Variants in SYNDIG1 observed in about 807,000 individuals in gnomAD.
The protein encoded by SYNDIG1 is synapse differentiation inducing 1.
SYNDIG1 carries 9 observed loss-of-function variants against 19.4 expected under a neutral mutation model. The observed-to-expected ratio is 0.46, with a 90% CI of 0.28 to 0.81. The LOEUF (loss-of-function observed/expected upper bound fraction) is 0.81. Ranked by LOEUF, SYNDIG1 falls within the 30% of genes least tolerant of loss-of-function variation. The pLI is 0.12. For missense variants in SYNDIG1, 311 were observed against 343.3 expected (o/e 0.91, Z 0.74); for synonymous variants, 141 against 145.9 (o/e 0.97, Z 0.24).
intron 3 of SYNDIG1, among the ~76,000 whole-genome samples, chr20:24,660,759 C>T (rs2059575758): frequency 6.6e-6 from 1 of 152,248 alleles, no homozygotes; most frequent in Non-Finnish European, 1.5e-5. Context: ...TGTCCATCCA[C>T]TTGCCCCTCA....
At chr20:24,633,614 G>T (rs970695559) in intron 3 of SYNDIG1, among the ~76,000 whole-genome samples, 3 of 152,170 alleles carry the variant, frequency 2.0e-5, no homozygotes, top group Non-Finnish European at 1.5e-5. Flanking sequence ...GTTCGCAAGG[G>T]CTGGTTCCCT....
chr20:24,476,328 T>G (rs546010745), intron 1 of SYNDIG1, among the ~76,000 whole-genome samples: 23 of 152,178 alleles, frequency 1.5e-4, no homozygotes, highest in Non-Finnish European at 2.8e-4. Context: ...GTTTTGTTAT[T>G]TCTAAGTTTA....
chr20:24,631,149 A>G (rs2147293458), intron 3 of SYNDIG1, among the ~76,000 whole-genome samples: 1 of 152,350 alleles, frequency 6.6e-6, no homozygotes, highest in African/African-American at 2.4e-5. Context: ...GAAACCATGG[A>G]AATCAAGGAA....
At chr20:24,483,740 G>T (rs2055867195) in intron 1 of SYNDIG1, among the ~76,000 whole-genome samples, 1 of 152,194 alleles carries the variant, frequency 6.6e-6, no homozygotes, top group Non-Finnish European at 1.5e-5. Context: ...CTTGCCATTT[G>T]CTTGACCTTG....
At chr20:24,637,928 C>T (rs1236516160) in intron 3 of SYNDIG1, among the ~76,000 whole-genome samples, 1 of 152,226 alleles carries the variant, frequency 6.6e-6, no homozygotes, top group African/African-American at 2.4e-5. Flanking sequence ...ATCCTAGAAG[C>T]ATCTTAGAAA....
chr20:24,475,887 G>A (rs1202223105), intron 1 of SYNDIG1, among the ~76,000 whole-genome samples: 2 of 146,880 alleles, frequency 1.4e-5, no homozygotes, highest in African/African-American at 5.1e-5. Flanking sequence ...TTGAAATGAC[G>A]TCTCACTCTA....
chr20:24,599,864 G>C (rs535381969), intron 3 of SYNDIG1, among the ~76,000 whole-genome samples: 20 of 152,320 alleles, frequency 1.3e-4, no homozygotes, highest in Admixed American at 3.3e-4. Context: ...AGAGTAGTGA[G>C]TTACAGGGTA....
intron 1 of SYNDIG1, among the ~76,000 whole-genome samples, chr20:24,486,209 G>C (rs546872057): frequency 6.6e-6 from 1 of 152,224 alleles, no homozygotes; most frequent in Non-Finnish European, 1.5e-5. Flanking sequence ...TTGCTGGTGG[G>C]TGTGAGGTTG....
chr20:24,626,364 C>T (rs146387089), intron 3 of SYNDIG1, among the ~76,000 whole-genome samples: 18 of 148,522 alleles, frequency 1.2e-4, no homozygotes, highest in East Asian at 4.3e-4. Flanking sequence ...TCAGACAGGA[C>T]GGCCGGGCAG....
At chr20:24,475,574 G>C (rs1385999198) in intron 1 of SYNDIG1, among the ~76,000 whole-genome samples, 2 of 152,210 alleles carry the variant, frequency 1.3e-5, no homozygotes, top group Non-Finnish European at 2.9e-5. Context: ...CACAGGGGCT[G>C]GCCTGGGCTT....
chr20:24,547,303 G>T (rs1403401247), intron 2 of SYNDIG1, among the ~76,000 whole-genome samples: 1 of 152,242 alleles, frequency 6.6e-6, no homozygotes, highest in South Asian at 2.1e-4. Flanking sequence ...CGAAGAGGTC[G>T]GCCTGTCTGA....
intron 2 of SYNDIG1, among the ~76,000 whole-genome samples, chr20:24,545,605 CTTGAGGA>C (rs896717794): frequency 1.3e-5 from 2 of 152,018 alleles, no homozygotes; most frequent in Non-Finnish European, 2.9e-5. Context: ...CCGGCTGAGT[CTTGAGGA>C]TGAGTAAGAG....
At chr20:24,500,646 A>T (rs890815897) in intron 1 of SYNDIG1, among the ~76,000 whole-genome samples, 1 of 151,732 alleles carries the variant, frequency 6.6e-6, no homozygotes, top group Non-Finnish European at 1.5e-5. Flanking sequence ...ACCCAAGCGC[A>T]CTGCTGTGTG....
At chr20:24,531,501 T>A (rs1319311471) in intron 1 of SYNDIG1, among the ~76,000 whole-genome samples, 1 of 152,216 alleles carries the variant, frequency 6.6e-6, no homozygotes, top group Non-Finnish European at 1.5e-5. Flanking sequence ...CCAGTTTTTC[T>A]GTATTTCTTT....
intron 3 of SYNDIG1, among the ~76,000 whole-genome samples, chr20:24,664,409 G>A (rs974788635): frequency 1.3e-5 from 2 of 152,170 alleles, no homozygotes; most frequent in Non-Finnish European, 1.5e-5. Flanking sequence ...CCATGAGAAC[G>A]AGCTAGGACA....
At chr20:24,569,503 A>T (rs2058106844) in intron 2 of SYNDIG1, among the ~76,000 whole-genome samples, 1 of 152,164 alleles carries the variant, frequency 6.6e-6, no homozygotes, top group African/African-American at 2.4e-5. Context: ...CCCCAAGGAC[A>T]TTGGTGACTT....
intron 2 of SYNDIG1, among the ~76,000 whole-genome samples, chr20:24,556,778 T>C (rs138857813): frequency 2.1e-3 from 317 of 152,344 alleles, no homozygotes; most frequent in African/African-American, 7.2e-3. Context: ...CTGACAATTA[T>C]GTGTCTTGGA....
At chr20:24,618,000 T>G (rs1600757410) in intron 3 of SYNDIG1, among the ~76,000 whole-genome samples, 2 of 37,968 alleles carry the variant, frequency 5.3e-5, no homozygotes, top group African/African-American at 1.0e-4. Context: ...GGGGAGAGCC[T>G]GGGGAAGGGA....
At chr20:24,634,368 C>T in intron 3 of SYNDIG1, among the ~76,000 whole-genome samples, 1 of 152,180 alleles carries the variant, frequency 6.6e-6, no homozygotes, top group Non-Finnish European at 1.5e-5. Flanking sequence ...CAATTGTTTT[C>T]AACTTCTCCT....
Sources: gnomAD v4.1 joint callset for allele counts (sites outside exome capture counted in the v4.1 genomes callset) on GRCh38, gnomAD v4.1.1 for gene constraint, MANE v1.5 for transcripts, NCBI Gene and HGNC (gene_info 2026-07-23, HGNC 2026-07-21) for gene names.